Variants in DLGAP2 observed in about 807,000 individuals in gnomAD.
The protein encoded by DLGAP2 is DLG associated protein 2.
Under a neutral mutation model 100.3 loss-of-function variants are expected in DLGAP2, and 26 were observed. The ratio of observed to expected loss-of-function variants is 0.26; its 90% CI spans 0.19 to 0.36. The LOEUF is 0.36. Ranked by LOEUF, DLGAP2 falls within the 10% of genes least tolerant of loss-of-function variation. DLGAP2 has a pLI of 1.00. For synonymous variants in DLGAP2, 886 were observed against 630.1 expected (o/e 1.41, Z -6.08); for missense variants, 1,858 against 1,453.2 (o/e 1.28, Z -4.53).
At chr8:1,618,668 A>G (rs1325125113) in intron 6 of DLGAP2, among the ~76,000 whole-genome samples, 1 of 152,220 alleles carries the variant, frequency 6.6e-6, no homozygotes, top group East Asian at 1.9e-4. Flanking sequence ...TCTAATCGGG[A>G]CAGTGTGATA....
chr8:780,464 T>G (rs1361763729), intron 1 of DLGAP2, among the ~76,000 whole-genome samples: 1 of 152,210 alleles, frequency 6.6e-6, no homozygotes, highest in Non-Finnish European at 1.5e-5. Flanking sequence ...GGTACAGACA[T>G]CTCAACGTAG....
chr8:1,429,648 G>A (rs1797351193), intron 3 of DLGAP2, among the ~76,000 whole-genome samples: 1 of 151,768 alleles, frequency 6.6e-6, no homozygotes, highest in African/African-American at 2.4e-5. Flanking sequence ...ATGTTCCACT[G>A]CCCGGTGTCA....
intron 2 of DLGAP2, among the ~76,000 whole-genome samples, chr8:973,788 G>A (rs1163403956): frequency 1.3e-5 from 2 of 151,850 alleles, no homozygotes; most frequent in Non-Finnish European, 2.9e-5. Context: ...AGGCGAATCC[G>A]GAGCGCGAAT....
At chr8:1,380,937 C>CAAAAAAAAAAA (rs34675828) in intron 3 of DLGAP2, 3 of 77,098 alleles carry the variant, frequency 3.9e-5, no homozygotes, top group Non-Finnish European at 5.1e-5. Context: ...GAACATGATT[C>CAAAAAAAAAAA]AAAAAAAAAA....
At chr8:1,621,126 C>T (rs1053831795) in intron 6 of DLGAP2, 1 of 152,250 alleles carries the variant, frequency 6.6e-6, no homozygotes, top group African/African-American at 2.4e-5. Context: ...TTCCAAGCAC[C>T]CAGACTTACG....
chr8:1,576,297 C>T (rs1478846331), intron 6 of DLGAP2, among the ~76,000 whole-genome samples: 2 of 152,114 alleles, frequency 1.3e-5, no homozygotes, highest in African/African-American at 4.8e-5. Context: ...TGTCCTTCGC[C>T]CACTTGTTGA....
rs1799719246 is a variant in DLGAP2, at chr8:1,706,850, A to T, written c.*5444A>T. On this transcript the variant is annotated 3_prime_UTR_variant, in exon 15 of 15. Transcript: ENST00000637795. Reference sequence around the variant, plus strand: ...CACCCCTCTAATTCCAGGCGTTTGTAATTTTTCTACTTCGCACTTGAGAGA... The same window carrying T: ...CACCCCTCTAATTCCAGGCGTTTGTTATTTTTCTACTTCGCACTTGAGAGA... 1 of 152,186 alleles carries T rather than the reference A, an allele frequency of 6.6e-6. No individual in the cohort carries two copies. Among genetic ancestry groups the T allele is most frequent in the Non-Finnish European group, 1.5e-5 (1 of 68,036 alleles). 9.4% of individuals were successfully genotyped at this position (152,186 alleles called of 1,614,324 possible).
chr8:1,537,765 GGAAGGAA>G, intron 4 of DLGAP2, among the ~76,000 whole-genome samples: 1 of 151,612 alleles, frequency 6.6e-6, no homozygotes, highest in Non-Finnish European at 1.5e-5. Flanking sequence ...AAGGAAGGAA[GGAAGGAA>G]GGAAGGAAGG....
intron 3 of DLGAP2, among the ~76,000 whole-genome samples, chr8:1,486,639 A>C (rs2130265368): frequency 6.6e-6 from 1 of 152,248 alleles, no homozygotes; most frequent in South Asian, 2.1e-4. Context: ...CACTAACAGA[A>C]CTGCATTTGT....
chr8:862,267 G>A (rs1486975568), intron 1 of DLGAP2, among the ~76,000 whole-genome samples: 1 of 151,450 alleles, frequency 6.6e-6, no homozygotes, highest in African/African-American at 2.4e-5. Context: ...GTCTTGGAGC[G>A]AGTCCTGGAC....
intron 2 of DLGAP2, among the ~76,000 whole-genome samples, chr8:1,166,279 A>G (rs7823761): frequency 0.82 from 124,308 of 152,178 alleles, 51,027 homozygotes; most frequent in Admixed American, 0.86. Context: ...GTCCCCGTGC[A>G]AGATGCACCA....
chr8:896,790 G>T (rs1798151125), intron 1 of DLGAP2, among the ~76,000 whole-genome samples: 1 of 152,146 alleles, frequency 6.6e-6, no homozygotes, highest in Non-Finnish European at 1.5e-5. Context: ...AATGAATTCT[G>T]CTGTTCATTT....
At chr8:849,111 C>T (rs1797131305) in intron 1 of DLGAP2, among the ~76,000 whole-genome samples, 1 of 151,282 alleles carries the variant, frequency 6.6e-6, no homozygotes, top group South Asian at 2.1e-4. Flanking sequence ...TAGGAATGTG[C>T]AGTGTCTGTT....
chr8:988,313 G>C (rs1300249779), intron 2 of DLGAP2, among the ~76,000 whole-genome samples: 1 of 152,128 alleles, frequency 6.6e-6, no homozygotes, highest in Non-Finnish European at 1.5e-5. Flanking sequence ...GGGTCACTGT[G>C]GAATCTAGAA....
rs754267034 is a variant in DLGAP2, at chr8:1,549,402, C to T, written c.949C>T (p.Arg317Trp). ...STYRTPSVLNRHHLGPVAHCY... is the reference protein window; with the variant it reads ...STYRTPSVLNWHHLGPVAHCY... The stretch of plus-strand genomic sequence containing the variant: ...CTATCGGACGCCCAGCGTGCTCAAC[C>T]GGCACCACCTGGGCCCCGTGGCCCA... The change falls in exon 5 of 15, where the codon CGG becomes TGG. Residue 317 changes from arginine (R) to tryptophan (W), a missense_variant. Coordinates refer to ENST00000637795, the MANE Select transcript of DLGAP2 (RefSeq NM_001346810.2). 30 of 1,613,328 alleles carry T rather than the reference C, an allele frequency of 1.9e-5. No individual in the cohort carries two copies. Among genetic ancestry groups the T allele is most frequent in the Middle Eastern group, 3.3e-4 (2 of 6,084 alleles).
chr8:1,152,833 T>A (rs1439185871), intron 2 of DLGAP2, among the ~76,000 whole-genome samples: 1 of 152,168 alleles, frequency 6.6e-6, no homozygotes, highest in Non-Finnish European at 1.5e-5. Context: ...GTGCAAAAAA[T>A]GCTGCCGTGT....
At chr8:1,482,376 G>C (rs982015470) in intron 3 of DLGAP2, among the ~76,000 whole-genome samples, 1 of 152,242 alleles carries the variant, frequency 6.6e-6, no homozygotes, top group Non-Finnish European at 1.5e-5. Context: ...GTTGTGGTCA[G>C]TTCATGTGTC....
At position 1,210,095 on chromosome 8, in the gene DLGAP2, T is replaced by C. The variant is rs1007487155; in HGVS notation, c.74-48756T>C. On this transcript the variant is annotated intron_variant, in intron 2 of 14. Coordinates refer to ENST00000637795, the MANE Select transcript of DLGAP2 (RefSeq NM_001346810.2). ...AGCCTGTGATTGACTTAATCCCAGG[T>C]AGGGTGGGTGCTGGGCCTTGATTGG... Among the ~76,000 whole-genome samples, 7 of 152,250 alleles carry C rather than the reference T, an allele frequency of 4.6e-5. No homozygotes were observed. In the South Asian group the frequency reaches 8.3e-4, roughly 18 times the overall value.
chr8:960,177 G>A (rs1799689206), intron 2 of DLGAP2, among the ~76,000 whole-genome samples: 1 of 139,174 alleles, frequency 7.2e-6, no homozygotes, highest in Non-Finnish European at 1.5e-5. Context: ...TGTTAGAAGT[G>A]CATATAGTCA....
Sources: gnomAD v4.1 joint callset for allele counts (sites outside exome capture counted in the v4.1 genomes callset) on GRCh38, gnomAD v4.1.1 for gene constraint, MANE v1.5 for transcripts, NCBI Gene and HGNC (gene_info 2026-07-23, HGNC 2026-07-21) for gene names.